Variants in PYROXD1 observed in about 807,000 individuals in gnomAD.
PYROXD1 encodes pyridine nucleotide-disulphide oxidoreductase domain 1, also known as tRNA ligase complex-associated NAD(P)H dehydrogenase PYROXD1.
Under a neutral mutation model 62.0 loss-of-function variants are expected in PYROXD1, and 42 were observed. That is an observed-to-expected ratio of 0.68 (90% CI 0.53 to 0.88). The LOEUF is 0.88. Among genes scored for constraint, PYROXD1 ranks in the 40% least tolerant of loss-of-function variants. PYROXD1 has a pLI of 0.00. For missense variants in PYROXD1, 493 were observed against 604.8 expected, an observed-to-expected ratio of 0.82 and a Z score of 1.94; for synonymous variants, 170 against 206.4, an observed-to-expected ratio of 0.82 and a Z score of 1.51.
Position 21,440,437 on chromosome 12 carries a change from A to C in PYROXD1, c.154A>C (p.Asn52His). 1.3e-6 allele frequency: 2 copies of C among 1,590,302 alleles called. No homozygotes were observed. Among genetic ancestry groups the C allele is most frequent in the Non-Finnish European group, 1.7e-6 (2 of 1,164,394 alleles). ...TASPVIKAVTNFKQISKILEE... is the reference protein window; with the variant it reads ...TASPVIKAVTHFKQISKILEE... ...TTCTCCTGTTATTAAAGCAGTTACA[A>C]ATTTCAAGCAGGTAAGAACCTTTGT... Residue 52 changes from asparagine to histidine, a missense_variant, in exon 2 of 12, where the codon AAT becomes CAT. By Grantham distance (68) the Asn-to-His change is moderately conservative. Transcript: ENST00000240651.
intron 7 of PYROXD1, among the ~76,000 whole-genome samples, chr12:21,457,371 CTCTG>C (rs1347907174): frequency 1.3e-5 from 2 of 151,842 alleles, no homozygotes; most frequent in African/African-American, 2.4e-5. Flanking sequence ...CCTTGTGCAT[CTCTG>C]TCTGAGTTCT....
At chr12:21,458,504 A>G (rs1204051160) in intron 7 of PYROXD1, among the ~76,000 whole-genome samples, 1 of 152,198 alleles carries the variant, frequency 6.6e-6, no homozygotes, top group East Asian at 1.9e-4. Flanking sequence ...CAATTTGGCC[A>G]TCTGTTCAGG....
chr12:21,451,399 C>T (rs1048899223), intron 4 of PYROXD1, among the ~76,000 whole-genome samples: 1 of 151,390 alleles, frequency 6.6e-6, no homozygotes, highest in Non-Finnish European at 1.5e-5. Context: ...TCTTTTTTTT[C>T]TGGGGGGTGG....
intron 7 of PYROXD1, 109 bp downstream of exon 7, chr12:21,456,204 T>C: frequency 1.5e-6 from 1 of 675,284 alleles, no homozygotes; most frequent in South Asian, 2.1e-5. Context: ...TAGGTCACTT[T>C]ACTTAAAATC....
At chr12:21,464,880 T>A (rs1338429710) in intron 10 of PYROXD1, among the ~76,000 whole-genome samples, 3 of 152,216 alleles carry the variant, frequency 2.0e-5, no homozygotes, top group African/African-American at 7.2e-5. Context: ...CCATGTGTTC[T>A]CATTGTTCAG....
intron 2 of PYROXD1, among the ~76,000 whole-genome samples, chr12:21,444,695 C>T (rs1010050879): frequency 6.6e-6 from 1 of 152,026 alleles, no homozygotes; most frequent in East Asian, 1.9e-4. Context: ...TGAGAACTGT[C>T]AGGGCCATGC....
At chr12:21,455,908 C>T (rs529588074) in intron 6 of PYROXD1, 87 bp from the exon 7 acceptor site, 203 of 746,772 alleles carry the variant, frequency 2.7e-4, no homozygotes, top group Non-Finnish European at 4.1e-4. Context: ...ATATATGAAT[C>T]ATTACATTGC....
At chr12:21,457,954 T>C (rs1169367733) in intron 7 of PYROXD1, among the ~76,000 whole-genome samples, 3 of 147,614 alleles carry the variant, frequency 2.0e-5, no homozygotes, top group Non-Finnish European at 3.0e-5. Context: ...GCAGGGTAGA[T>C]GTAGTATAGT....
intron 3 of PYROXD1, among the ~76,000 whole-genome samples, chr12:21,446,936 T>A (rs1466332439): frequency 2.0e-5 from 3 of 152,114 alleles, no homozygotes; most frequent in Admixed American, 2.0e-4. Flanking sequence ...TAATAATTTT[T>A]AAAAAATTGA....
chr12:21,446,905 A>T lies in PYROXD1; in HGVS notation c.285+1439A>T, dbSNP rs548999756. On this transcript the variant is annotated intron_variant, in intron 3 of 11. Coordinates refer to ENST00000240651, the MANE Select transcript of PYROXD1 (RefSeq NM_024854.5). ...ACTCCAGCCTGGGCAACAGAGTGAG[A>T]CCCTGTCTCAAAAAGGATAATAATA... is the stretch of plus-strand genomic sequence containing the variant. Among the ~76,000 whole-genome samples, 33 of 152,292 alleles carry T rather than the reference A, an allele frequency of 2.2e-4. No homozygotes were observed. The South Asian group carries it at 6.4e-3, about 30-fold the overall frequency.
intron 10 of PYROXD1, among the ~76,000 whole-genome samples, chr12:21,463,371 C>A (rs10770815): frequency 1.3e-5 from 2 of 151,846 alleles, no homozygotes; most frequent in Admixed American, 1.3e-4. Context: ...CTTTATGATC[C>A]TATTCTGTCC....
chr12:21,445,870 T>C (rs552629736), intron 3 of PYROXD1, among the ~76,000 whole-genome samples: 10 of 152,212 alleles, frequency 6.6e-5, no homozygotes, highest in Admixed American at 2.0e-4. Context: ...AAAGCTCTGA[T>C]ATCAGGGCTT....
intron 8 of PYROXD1, among the ~76,000 whole-genome samples, chr12:21,461,490 G>A (rs1337761170): frequency 6.6e-6 from 1 of 152,012 alleles, no homozygotes; most frequent in Non-Finnish European, 1.5e-5. Flanking sequence ...TATATTTTTG[G>A]GACTAAGATG....
chr12:21,461,117 T>C lies in PYROXD1; in HGVS notation c.843T>C (p.Thr281=), dbSNP rs143417761. Residue 281 remains threonine (T), a synonymous_variant, in exon 8 of 12, where the codon ACT becomes ACC. Transcript: ENST00000240651. ...EFRILKKKSF[T]FPRDHKSVTA... is the part of the protein sequence containing the mutation. ...GAATTTTGAAGAAAAAGTCCTTCAC[T>C]TTTCCAAGAGACCATAAGTCAGTTA... 2.3e-4 allele frequency: 360 copies of C among 1,588,034 alleles called. No individual in the cohort carries two copies. In the East Asian group the frequency reaches 4.9e-3, roughly 22 times the overall value.
In PYROXD1 at chr12:21,449,667, A is replaced by G. The variant is rs921518646; in HGVS notation, c.390A>G (p.Gly130=). The change falls in exon 4 of 12, where the codon GGA becomes GGG. Residue 130 remains glycine, a synonymous_variant. Transcript: ENST00000240651. The stretch of plus-strand genomic sequence containing the variant: ...GTGAAGGAAATCCTTATGTATTAGG[A>G]ATCCGTGATACAGACAGTGCTCAGG... ...LICEGNPYVL[G]IRDTDSAQEF... is the part of the protein sequence containing the mutation. The G allele has an allele frequency of 6.8e-6, 11 of 1,612,746 alleles. No homozygotes were observed. The African/African-American group carries it at 9.3e-5, about 14-fold the overall frequency.
intron 4 of PYROXD1, among the ~76,000 whole-genome samples, chr12:21,451,155 A>G (rs950532186): frequency 1.3e-5 from 2 of 152,030 alleles, no homozygotes; most frequent in African/African-American, 4.8e-5. Context: ...GGAGGGCCAG[A>G]TGTCATTCTG....
chr12:21,467,621 A>G lies in PYROXD1; in HGVS notation c.1254+3A>G, dbSNP rs373490634. 12 of 1,604,550 alleles carry G rather than the reference A, an allele frequency of 7.5e-6. No homozygotes were observed. The highest frequency in any genetic ancestry group is 1.7e-4 in the Middle Eastern group (1 of 6,048). The stretch of plus-strand genomic sequence containing the variant: ...TGACAAAATTTTTTAACTATAAGGT[A>G]AGATAGTTAAGCATATTAATGCCTT... On this transcript the variant is annotated splice_donor_region_variant and intron_variant, in intron 11 of 11. Transcript: ENST00000240651.
intron 3 of PYROXD1, chr12:21,448,396 G>C: frequency 4.4e-6 from 1 of 226,964 alleles, no homozygotes; most frequent in African/African-American, 2.3e-5. Flanking sequence ...TTTAGCAGTA[G>C]CTAATGGAAA....
chr12:21,454,599 AGATCCTT>A (rs988840286), intron 5 of PYROXD1, among the ~76,000 whole-genome samples: 1 of 151,962 alleles, frequency 6.6e-6, no homozygotes, highest in African/African-American at 2.4e-5. Context: ...CCTTCCTCTA[AGATCCTT>A]GATCCTTGAT....
Sources: gnomAD v4.1 joint callset for allele counts (sites outside exome capture counted in the v4.1 genomes callset) on GRCh38, gnomAD v4.1.1 for gene constraint, MANE v1.5 for transcripts, NCBI Gene and HGNC (gene_info 2026-07-23, HGNC 2026-07-21) for gene names.